UNC13C: variants seen among roughly 807,000 people sequenced by gnomAD.
UNC13C encodes protein unc-13 homolog C.
In UNC13C, 174 loss-of-function variants were observed where a neutral mutation model predicts 245.4. The observed-to-expected ratio is 0.71, with a 90% CI of 0.63 to 0.80. The LOEUF is 0.80. Ranked by LOEUF, UNC13C falls within the 30% of genes least tolerant of loss-of-function variation. The pLI is 0.00. For synonymous variants in UNC13C, 992 were observed against 895.1 expected (o/e 1.11, Z -1.93); for missense variants, 2,829 against 2,602.9 (o/e 1.09, Z -1.89).
chr15:54,138,555 T>C (rs2031850266), intron 2 of UNC13C, among the ~76,000 whole-genome samples: 1 of 152,152 alleles, frequency 6.6e-6, no homozygotes, highest in Non-Finnish European at 1.5e-5. Flanking sequence ...AATGCATTGA[T>C]TTTAATGGTC....
chr15:54,255,507 C>G (rs1045133815), intron 8 of UNC13C, among the ~76,000 whole-genome samples: 27 of 152,168 alleles, frequency 1.8e-4, no homozygotes, highest in African/African-American at 6.0e-4. Flanking sequence ...GGTGTCCTCT[C>G]AACATCCAGC....
chr15:54,264,772 A>G (rs1441498500), intron 9 of UNC13C, among the ~76,000 whole-genome samples: 1 of 151,902 alleles, frequency 6.6e-6, no homozygotes, highest in Non-Finnish European at 1.5e-5. Context: ...CTGGCTCAAC[A>G]TCCCTCATCC....
chr15:53,871,416 C>T, the UNC13C span, among the ~76,000 whole-genome samples: 1 of 152,192 alleles, frequency 6.6e-6, no homozygotes, highest in African/African-American at 2.4e-5. Context: ...AGCACTTTCT[C>T]ATCCTCCCAG....
At chr15:54,430,523 C>T (rs1022702086) in intron 19 of UNC13C, among the ~76,000 whole-genome samples, 1 of 151,510 alleles carries the variant, frequency 6.6e-6, no homozygotes, top group African/African-American at 2.4e-5. Context: ...TGCTCAAACT[C>T]ATTAGCCTGT....
the UNC13C span, among the ~76,000 whole-genome samples, chr15:53,945,433 AG>A: frequency 3.3e-5 from 5 of 152,278 alleles, no homozygotes; most frequent in Admixed American, 2.6e-4. Flanking sequence ...AATATAAAGA[AG>A]GGGGTCCAGT....
chr15:53,988,741 GC>G (rs1894255270), intron 1 of UNC13C, among the ~76,000 whole-genome samples: 1 of 151,908 alleles, frequency 6.6e-6, no homozygotes, highest in East Asian at 1.9e-4. Context: ...GTCACTTCTT[GC>G]TGCAGGGAAA....
rs900060016 is a variant in UNC13C, at chr15:54,264,199, C to G, written c.3480C>G (p.Ala1160=). ...CAGAAAAGAGTTCTAAACATGGTGC[C>G]GAAGACAAGACTCAGACCATTATTA... ...RAAEKSSKHG[A]EDKTQTIITA... Residue 1160 remains alanine, a synonymous_variant, in exon 9 of 33, where the codon GCC becomes GCG. Coordinates refer to ENST00000260323, the MANE Select transcript of UNC13C (RefSeq NM_001080534.3). 1 of 1,586,862 alleles carries G rather than the reference C, an allele frequency of 6.3e-7. No homozygotes were observed. Among genetic ancestry groups the G allele is most frequent in the Admixed American group, 1.8e-5 (1 of 55,976 alleles).
At chr15:54,466,701 T>C (rs1003281885) in intron 19 of UNC13C, among the ~76,000 whole-genome samples, 1 of 151,894 alleles carries the variant, frequency 6.6e-6, no homozygotes, top group East Asian at 1.9e-4. Context: ...CTAAGAAGCG[T>C]ATCAGTGTTC....
chr15:54,373,417 C>A (rs1055232917), intron 17 of UNC13C, among the ~76,000 whole-genome samples: 24 of 152,150 alleles, frequency 1.6e-4, no homozygotes, highest in African/African-American at 5.3e-4. Flanking sequence ...GTGAACCAGG[C>A]ATGAAGCAGT....
At chr15:54,202,339 CA>C (rs1171870961) in intron 4 of UNC13C, among the ~76,000 whole-genome samples, 1 of 151,690 alleles carries the variant, frequency 6.6e-6, no homozygotes, top group Non-Finnish European at 1.5e-5. Context: ...CATATGGAAC[CA>C]AAAAAGAGAC....
chr15:54,525,156 G>A (rs1895390683), intron 24 of UNC13C, among the ~76,000 whole-genome samples: 2 of 151,878 alleles, frequency 1.3e-5, no homozygotes, highest in African/African-American at 4.8e-5. Context: ...TTATTTACAG[G>A]GATATTAAAG....
rs916414913 is a variant in UNC13C at position 54,374,795 on chromosome 15, G to A, written c.4714-18253G>A. Among the ~76,000 whole-genome samples, 58 of 152,206 alleles carry A rather than the reference G, an allele frequency of 3.8e-4. 1 individual carries two copies. The highest frequency in any genetic ancestry group is 6.3e-4 in the African/African-American group (26 of 41,460). Reference sequence around the variant, plus strand: ...CATGCAGTCCTGGCTGCGCCTCGCCGGCTGGCTGCAGCTGTCATCTTCACA... The same window carrying A: ...CATGCAGTCCTGGCTGCGCCTCGCCAGCTGGCTGCAGCTGTCATCTTCACA... On this transcript the variant is annotated intron_variant, in intron 17 of 32. Transcript: ENST00000260323.
At chr15:54,409,590 C>G (rs1392778586) in intron 18 of UNC13C, among the ~76,000 whole-genome samples, 1 of 152,170 alleles carries the variant, frequency 6.6e-6, no homozygotes, top group Non-Finnish European at 1.5e-5. Context: ...TCCATATGCA[C>G]TCGATATTTA....
In UNC13C at chr15:54,127,472, G is replaced by A. The variant is rs1236716153; in HGVS notation, c.2984-15546G>A. Among the ~76,000 whole-genome samples the A allele has an allele frequency of 5.3e-5, 8 of 151,856 alleles. No homozygotes were observed. The South Asian group carries it at 6.2e-4, about 12-fold the overall frequency. On this transcript the variant is annotated intron_variant, in intron 2 of 32. Coordinates refer to ENST00000260323, the MANE Select transcript of UNC13C (RefSeq NM_001080534.3). ...ACACAGGAACAGAAAACCAAACACC[G>A]CATGTTCTCACTCATAAATGGGAGT... is the stretch of plus-strand genomic sequence containing the variant.
chr15:54,201,512 A>G (rs1260738035), intron 4 of UNC13C, among the ~76,000 whole-genome samples: 37 of 152,048 alleles, frequency 2.4e-4, no homozygotes, highest in Admixed American at 2.4e-3. Context: ...GGTTTAACAT[A>G]CTTAAGTCAA....
intron 1 of UNC13C, among the ~76,000 whole-genome samples, chr15:53,991,694 A>G (rs1894397065): frequency 6.6e-6 from 1 of 152,030 alleles, no homozygotes; most frequent in Non-Finnish European, 1.5e-5. Flanking sequence ...CATAGCTCTA[A>G]GTTAGGCCTC....
At chr15:54,195,634 G>C (rs569030989) in intron 4 of UNC13C, among the ~76,000 whole-genome samples, 5 of 152,148 alleles carry the variant, frequency 3.3e-5, no homozygotes, top group African/African-American at 1.2e-4. Flanking sequence ...GAATATTGAG[G>C]ATCCCCTAAT....
At chr15:54,222,888 T>C (rs2035269064) in intron 4 of UNC13C, among the ~76,000 whole-genome samples, 1 of 152,168 alleles carries the variant, frequency 6.6e-6, no homozygotes, top group South Asian at 2.1e-4. Flanking sequence ...CATTTGTATG[T>C]CTTCATTGAG....
At chr15:54,250,782 A>C (rs1275225761) in intron 8 of UNC13C, among the ~76,000 whole-genome samples, 1 of 59,218 alleles carries the variant, frequency 1.7e-5, no homozygotes, top group Non-Finnish European at 2.8e-5. Flanking sequence ...TTTGAGATGG[A>C]GTCTCACTCT....
Sources: allele counts gnomAD v4.1 joint callset (sites outside exome capture counted in the v4.1 genomes callset), GRCh38; gene constraint gnomAD v4.1.1; transcripts MANE v1.5; gene names NCBI Gene and HGNC (gene_info 2026-07-23, HGNC 2026-07-21).